The following ACAP2 variants were observed in gnomAD, a reference collection of about 807,000 sequenced individuals.
ACAP2 encodes the protein ArfGAP with coiled-coil, ankyrin repeat and PH domains 2.
ACAP2 carries 39 observed loss-of-function variants against 115.8 expected under a neutral mutation model. That is an observed-to-expected ratio of 0.34 (90% confidence interval 0.26 to 0.44). The LOEUF (loss-of-function observed/expected upper bound fraction) is 0.44, where lower values mean the gene tolerates loss of function less well. Ranked by LOEUF, ACAP2 falls within the 20% of genes least tolerant of loss-of-function variation. The pLI, the probability that ACAP2 is intolerant of heterozygous loss-of-function variation, is 1.00. For synonymous variants in ACAP2, 289 were observed against 315.8 expected, an observed-to-expected ratio of 0.92 and a Z score of 0.90; for missense variants, 662 against 927.6, an observed-to-expected ratio of 0.71 and a Z score of 3.72.
chr3:195,303,891 G>A (rs1008010722), intron 13 of ACAP2, among the ~76,000 whole-genome samples: 8 of 152,272 alleles, frequency 5.3e-5, no homozygotes, highest in Non-Finnish European at 8.8e-5. Flanking sequence ...GTCAGGCAAA[G>A]TAGCTCATGC....
intron 2 of ACAP2, among the ~76,000 whole-genome samples, chr3:195,385,478 T>A (rs1053244501): frequency 3.3e-5 from 5 of 150,116 alleles, no homozygotes; most frequent in African/African-American, 1.2e-4. Context: ...CCTGAGGAGG[T>A]AAGGGGCTTG....
At chr3:195,377,944 G>A (rs754114026) in intron 4 of ACAP2, among the ~76,000 whole-genome samples, 2 of 151,842 alleles carry the variant, frequency 1.3e-5, no homozygotes, top group Non-Finnish European at 2.9e-5. Flanking sequence ...CAGGCAGACG[G>A]ACAAAAAGTG....
At chr3:195,416,752 T>C (rs78791215) in intron 1 of ACAP2, among the ~76,000 whole-genome samples, 3,244 of 152,232 alleles carry the variant, frequency 0.021, 114 homozygotes, top group East Asian at 0.097. Flanking sequence ...AAAATAAAAC[T>C]AAAGGAATGT....
rs1337717189 is a variant in ACAP2 at position 195,279,043 on chromosome 3, T to C, written c.*285A>G. The C allele has an allele frequency of 8.4e-6, 2 of 237,282 alleles. No homozygotes were observed. Among genetic ancestry groups the C allele is most frequent in the Non-Finnish European group, 1.6e-5 (2 of 124,342 alleles). The allele number at this position is 237,282 out of a possible 1,614,324, so 14.7% of individuals were successfully genotyped here. ...AAAGAATCACTTTTGTCTAACCTCC[T>C]ATCATCTTGTAACCTAGAGATGGCC... On this transcript the variant is annotated 3_prime_UTR_variant, in exon 23 of 23. Coordinates refer to ENST00000326793, the MANE Select transcript of ACAP2 (RefSeq NM_012287.6).
At chr3:195,372,513 A>T (rs7430205) in intron 4 of ACAP2, among the ~76,000 whole-genome samples, 36,232 of 151,998 alleles carry the variant, frequency 0.24, 5,061 homozygotes, top group East Asian at 0.71. Context: ...CAACACAGTG[A>T]GACTCTGTCT....
At chr3:195,408,418 T>C (rs1164435351) in intron 1 of ACAP2, among the ~76,000 whole-genome samples, 1 of 152,050 alleles carries the variant, frequency 6.6e-6, no homozygotes, top group Non-Finnish European at 1.5e-5. Flanking sequence ...GAGTAGAGAT[T>C]ATGCCACTGG....
At chr3:195,378,547 A>G (rs1042947633) in intron 4 of ACAP2, among the ~76,000 whole-genome samples, 6 of 151,444 alleles carry the variant, frequency 4.0e-5, no homozygotes, top group Non-Finnish European at 8.8e-5. Flanking sequence ...CTATTCCTCC[A>G]AAGGAAATAA....
chr3:195,373,819 G>A (rs1733336703), intron 4 of ACAP2, among the ~76,000 whole-genome samples: 1 of 152,026 alleles, frequency 6.6e-6, no homozygotes, highest in East Asian at 1.9e-4. Context: ...CAGCTACTCA[G>A]GAGGCTAAGG....
intron 5 of ACAP2, among the ~76,000 whole-genome samples, chr3:195,344,349 A>G (rs1181736677): frequency 6.6e-6 from 1 of 152,210 alleles, no homozygotes; most frequent in Admixed American, 6.5e-5. Context: ...CTATTATAAT[A>G]AACTTTAATT....
intron 4 of ACAP2, among the ~76,000 whole-genome samples, chr3:195,349,185 T>TA (rs201192868): frequency 2.0e-3 from 290 of 148,502 alleles, no homozygotes; most frequent in African/African-American, 6.4e-3. Context: ...AACTGAACAT[T>TA]AAAAAAAAAA....
chr3:195,396,102 T>C (rs1394684726), intron 1 of ACAP2, among the ~76,000 whole-genome samples: 1 of 151,820 alleles, frequency 6.6e-6, no homozygotes, highest in Non-Finnish European at 1.5e-5. Flanking sequence ...AATATGAACA[T>C]TAGCCAGGCG....
At chr3:195,442,416 G>A (rs766545503) in intron 1 of ACAP2, 29 of 329,488 alleles carry the variant, frequency 8.8e-5, no homozygotes, top group Non-Finnish European at 1.3e-4. Flanking sequence ...AGGGGCGGAA[G>A]GAAGGGGGAA....
intron 12 of ACAP2, 111 bp from the exon 13 acceptor site, chr3:195,306,727 A>G: frequency 1.3e-6 from 1 of 744,500 alleles, no homozygotes; most frequent in East Asian, 3.0e-5. Context: ...AGCCAAAAAT[A>G]TATATAATTT....
At chr3:195,300,028 T>C (rs1033069650) in intron 15 of ACAP2, among the ~76,000 whole-genome samples, 2 of 88,372 alleles carry the variant, frequency 2.3e-5, no homozygotes, top group Admixed American at 2.0e-4. Context: ...TCCGTCTTTC[T>C]TTTTTCTTTT....
intron 6 of ACAP2, among the ~76,000 whole-genome samples, chr3:195,339,363 A>G (rs1176096225): frequency 6.6e-6 from 1 of 152,094 alleles, no homozygotes; most frequent in Non-Finnish European, 1.5e-5. Context: ...CTACTACTCA[A>G]ACACTGAATA....
chr3:195,425,973 A>G (rs1028294610), intron 1 of ACAP2, among the ~76,000 whole-genome samples: 7 of 152,166 alleles, frequency 4.6e-5, no homozygotes, highest in African/African-American at 1.7e-4. Flanking sequence ...AACAGTACTC[A>G]AAATATTTTT....
intron 1 of ACAP2, among the ~76,000 whole-genome samples, chr3:195,407,590 C>A (rs1034295560): frequency 1.3e-5 from 2 of 151,980 alleles, no homozygotes. Context: ...GCCTATAGCC[C>A]CAGCTACCTG....
chr3:195,333,073 A>T lies in ACAP2; in HGVS notation c.624T>A (p.Asp208Glu). 2.5e-6 allele frequency: 4 copies of T among 1,610,760 alleles called. No homozygotes were observed. The highest frequency in any genetic ancestry group is 3.4e-6 in the Non-Finnish European group (4 of 1,178,616). ...AHLAFFHQGY[D>E]LFSELGPYMK... ...TGTAGGGTCCAAGTTCACTAAACAG[A>T]TCATATCCTTGATGAAAGAAGGCCA... Residue 208 changes from aspartate to glutamate, a missense_variant, in exon 8 of 23, where the codon GAT (aspartate) becomes GAA (glutamate). Asp to Glu is a conservative substitution (Grantham distance 45). Coordinates refer to ENST00000326793, the MANE Select transcript of ACAP2 (RefSeq NM_012287.6).
rs1716137303 is a variant in ACAP2 at position 195,442,958 on chromosome 3, G to A, written c.-111C>T. The A allele has an allele frequency of 4.0e-6, 4 of 995,956 alleles. No homozygotes were observed. Among genetic ancestry groups the A allele is most frequent in the Non-Finnish European group, 5.6e-6 (4 of 720,376 alleles). The allele number at this position is 995,956 out of a possible 1,614,324, so 61.7% of individuals were successfully genotyped here. On this transcript the variant is annotated 5_prime_UTR_variant, in exon 1 of 23. Coordinates refer to ENST00000326793, the MANE Select transcript of ACAP2 (RefSeq NM_012287.6). ...GCACGGCCGCGACTAGCGTTGCGCG[G>A]AGCTGCGAAGGGCGCCTCGCCCGCT...
Sources: allele counts gnomAD v4.1 joint callset (sites outside exome capture counted in the v4.1 genomes callset), GRCh38; gene constraint gnomAD v4.1.1; transcripts MANE v1.5; gene names NCBI Gene and HGNC (gene_info 2026-07-23, HGNC 2026-07-21).